The following ADA variants were observed in gnomAD, a reference collection of about 807,000 sequenced individuals.
The protein encoded by ADA is adenosine aminohydrolase.
A neutral mutation model predicts 49.0 loss-of-function variants in ADA; 45 were observed. The ratio of observed to expected loss-of-function variants is 0.92; its 90% CI spans 0.72 to 1.18. ADA has a LOEUF of 1.18. Among genes scored for constraint, ADA ranks in the 50% most tolerant of loss-of-function variants. The pLI, the probability that ADA is intolerant of heterozygous loss-of-function variation, is 0.00. For missense variants in ADA, 445 were observed against 472.5 expected (o/e 0.94, Z 0.54); for synonymous variants, 173 against 184.2 (o/e 0.94, Z 0.49).
intron 1 of ADA, among the ~76,000 whole-genome samples, chr20:44,639,496 T>G (rs1333110188): frequency 3.3e-5 from 5 of 152,050 alleles, no homozygotes; most frequent in African/African-American, 1.2e-4. Context: ...CACGGAAACC[T>G]CCACCTCCCG....
intron 1 of ADA, among the ~76,000 whole-genome samples, chr20:44,649,432 C>G (rs537507888): frequency 6.6e-6 from 1 of 152,044 alleles, no homozygotes; most frequent in Admixed American, 6.6e-5. Context: ...ATTCTACCTT[C>G]ACTCTCAAGC....
At chr20:44,641,362 C>T (rs2065532247) in intron 1 of ADA, among the ~76,000 whole-genome samples, 4 of 152,068 alleles carry the variant, frequency 2.6e-5, no homozygotes, top group Admixed American at 2.6e-4. Context: ...GTAGAATCCA[C>T]ATGGGAATAA....
intron 1 of ADA, among the ~76,000 whole-genome samples, chr20:44,643,948 C>T (rs2065563107): frequency 6.6e-6 from 1 of 151,944 alleles, no homozygotes; most frequent in South Asian, 2.1e-4. Context: ...GGTGGGTTCA[C>T]TTACCCAAGG....
chr20:44,639,872 T>C (rs1473412354), intron 1 of ADA, among the ~76,000 whole-genome samples: 1 of 151,846 alleles, frequency 6.6e-6, no homozygotes, highest in African/African-American at 2.4e-5. Flanking sequence ...GGAGAAAATA[T>C]CAAGGGAGGT....
chr20:44,636,010 C>T (rs1600936183), intron 2 of ADA: 1 of 587,028 alleles, frequency 1.7e-6, no homozygotes, highest in Non-Finnish European at 3.1e-6. Flanking sequence ...GAGGACAAGA[C>T]TCAGAGGCCC....
chr20:44,634,121 G>A (rs969643946), intron 2 of ADA, among the ~76,000 whole-genome samples: 3 of 152,136 alleles, frequency 2.0e-5, no homozygotes, highest in East Asian at 1.9e-4. Context: ...AGCCCCACCC[G>A]GCGCTCCCAG....
In ADA at chr20:44,625,665, C is replaced by T. The variant is rs773557479; in HGVS notation, c.382G>A (p.Glu128Lys). ...NQAEGDLTPD[E>K]VVALVGQGLQ... ...CCCTGGCCCACTAGGGCCACCACCTCGTCTGGGGTGAGGTCCCCTCTGTGT... is the reference window on the plus strand; with the variant it reads ...CCCTGGCCCACTAGGGCCACCACCTTGTCTGGGGTGAGGTCCCCTCTGTGT... The change falls in exon 5 of 12, where the codon GAG (glutamate) becomes AAG (lysine). Residue 128 changes from glutamate (E) to lysine (K), a missense_variant. Glu to Lys is a moderately conservative substitution (Grantham distance 56). Coordinates refer to ENST00000372874, the MANE Select transcript of ADA (RefSeq NM_000022.4). 1.3e-5 allele frequency: 21 copies of T among 1,566,270 alleles called. No homozygotes were observed. Among genetic ancestry groups the T allele is most frequent in the Non-Finnish European group, 1.6e-5 (19 of 1,154,682 alleles).
intron 3 of ADA, among the ~76,000 whole-genome samples, chr20:44,628,152 G>A (rs375532587): frequency 1.8e-4 from 27 of 152,316 alleles, no homozygotes; most frequent in African/African-American, 5.1e-4. Flanking sequence ...AGAGCCCAGC[G>A]TGGGAAGAAA....
intron 1 of ADA, among the ~76,000 whole-genome samples, chr20:44,644,280 G>A (rs1346458771): frequency 5.3e-5 from 8 of 152,030 alleles, no homozygotes; most frequent in Non-Finnish European, 8.8e-5. Context: ...CTCATGAGCC[G>A]TTTGCTGAGA....
chr20:44,623,366 G>C (rs2065351088), intron 6 of ADA, among the ~76,000 whole-genome samples: 1 of 152,256 alleles, frequency 6.6e-6, no homozygotes, highest in Non-Finnish European at 1.5e-5. Flanking sequence ...GGAGATTCAA[G>C]TAATGTGACC....
Position 44,619,796 on chromosome 20 carries a change from G to T in ADA, c.*38C>A. On this transcript the variant is annotated 3_prime_UTR_variant, in exon 12 of 12. Coordinates refer to ENST00000372874, the MANE Select transcript of ADA (RefSeq NM_000022.4). Reference sequence around the variant, plus strand: ...TGTTGCTCAGCCCCACAGAGTTGGGGTGACTCCACAGGGTGAAGGCTTGGA... The same window carrying T: ...TGTTGCTCAGCCCCACAGAGTTGGGTTGACTCCACAGGGTGAAGGCTTGGA... The T allele has an allele frequency of 6.2e-7, 1 of 1,614,008 alleles. No individual in the cohort carries two copies. The highest frequency in any genetic ancestry group is 8.5e-7 in the Non-Finnish European group (1 of 1,179,854).
At chr20:44,622,044 G>A (rs2065336944) in intron 9 of ADA, among the ~76,000 whole-genome samples, 1 of 152,196 alleles carries the variant, frequency 6.6e-6, no homozygotes, top group Non-Finnish European at 1.5e-5. Flanking sequence ...CTTGTCTTGG[G>A]GAAGGCGGCT....
rs2065324226 is a variant in ADA, at chr20:44,620,917, GACTC to G, written c.975+97_975+100del. ...GGGCTTGTCTTGGACTGTTGAGGCAGACTCACTCCCTCTCTCCAAAGATTCCAGG... is the reference window on the plus strand; with the variant it reads ...GGGCTTGTCTTGGACTGTTGAGGCAGACTCCCTCTCTCCAAAGATTCCAGG... On this transcript the variant is annotated intron_variant, in intron 10 of 11. Transcript: ENST00000372874. 8 of 1,532,258 alleles carry G rather than the reference GACTC, an allele frequency of 5.2e-6. 1 individual carries two copies. The South Asian group carries it at 7.9e-5, about 15-fold the overall frequency. 94.9% of individuals were successfully genotyped at this position (1,532,258 alleles called of 1,614,324 possible).
intron 2 of ADA, among the ~76,000 whole-genome samples, chr20:44,633,694 G>T (rs891084932): frequency 1.3e-5 from 2 of 152,240 alleles, no homozygotes; most frequent in Non-Finnish European, 1.5e-5. Flanking sequence ...TCGGAGGAAA[G>T]AGCAGCCAGT....
intron 2 of ADA, among the ~76,000 whole-genome samples, chr20:44,634,842 G>A (rs1004476437): frequency 7.9e-5 from 12 of 152,248 alleles, no homozygotes; most frequent in Admixed American, 2.6e-4. Context: ...TGAATAACAG[G>A]ATTCTGGCTT....
intron 1 of ADA, among the ~76,000 whole-genome samples, chr20:44,651,203 A>G (rs1467545270): frequency 6.6e-6 from 1 of 152,190 alleles, no homozygotes; most frequent in East Asian, 1.9e-4. Flanking sequence ...CGGGCACAGC[A>G]CTAGGTGCCT....
At chr20:44,651,524 G>A (rs1052520816) in intron 1 of ADA, 51 bp downstream of exon 1, 17 of 1,514,822 alleles carry the variant, frequency 1.1e-5, no homozygotes, top group Non-Finnish European at 1.5e-5. Flanking sequence ...TAAGCCCCTC[G>A]GGCCGCCCAG....
At position 44,636,267 on chromosome 20, in the gene ADA, C is replaced by T. The variant is rs1454861940; in HGVS notation, c.55G>A (p.Asp19Asn). Residue 19 changes from aspartate (D) to asparagine (N), a missense_variant, in exon 2 of 12, where the codon GAC becomes AAC. Coordinates refer to ENST00000372874, the MANE Select transcript of ADA (RefSeq NM_000022.4). ...KPKVELHVHL[D>N]GSIKPETILY... is the part of the protein sequence containing the mutation. ...ATGGTTTCAGGCTTGATGGATCCGT[C>T]TAGGTGGACATGCAGTTCCACCTGC... 6.2e-7 allele frequency: 1 copy of T among 1,609,404 alleles called. No individual in the cohort carries two copies. Among genetic ancestry groups the T allele is most frequent in the Non-Finnish European group, 8.5e-7 (1 of 1,177,664 alleles).
intron 1 of ADA, among the ~76,000 whole-genome samples, chr20:44,637,952 C>T (rs1444348558): frequency 2.0e-5 from 3 of 152,186 alleles, no homozygotes; most frequent in Admixed American, 6.5e-5. Flanking sequence ...GCCCAGGGAA[C>T]GGCCAACCAG....
Sources: allele counts gnomAD v4.1 joint callset (sites outside exome capture counted in the v4.1 genomes callset), GRCh38; gene constraint gnomAD v4.1.1; transcripts MANE v1.5; gene names NCBI Gene and HGNC (gene_info 2026-07-23, HGNC 2026-07-21).